The following ZBTB20 variants were observed in gnomAD, a reference collection of about 807,000 sequenced individuals.
The protein encoded by ZBTB20 is zinc finger and BTB domain containing 20, also known as zinc finger and BTB domain-containing protein 20.
ZBTB20 carries 9 observed loss-of-function variants against 56.9 expected under a neutral mutation model. The observed-to-expected ratio is 0.16, with a 90% CI of 0.10 to 0.28. The LOEUF is 0.28. ZBTB20 is among the 10% of genes least tolerant of loss of function. The probability of loss-of-function intolerance (pLI) is 1.00; values close to 1 mark genes in which losing one functional copy is unlikely to be tolerated. For synonymous variants in ZBTB20, 417 were observed against 420.7 expected (o/e 0.99, Z 0.11); for missense variants, 655 against 1,003.0 (o/e 0.65, Z 4.69).
chr3:114,544,458 TTTCTTTCTTTCTTTC>T (rs1379313103), intron 6 of ZBTB20, among the ~76,000 whole-genome samples: 8 of 110,396 alleles, frequency 7.2e-5, no homozygotes, highest in African/African-American at 2.6e-4. Context: ...TCTTTCTTTC[TTTCTTTCTTTCTTTC>T]TTTCTTTTTC....
intron 11 of ZBTB20, among the ~76,000 whole-genome samples, chr3:114,347,438 C>T (rs1004132008): frequency 6.6e-6 from 1 of 152,020 alleles, no homozygotes; most frequent in African/African-American, 2.4e-5. Context: ...TTACAAGTAT[C>T]CCCGTGCTTT....
At chr3:114,594,266 C>CTTT (rs1001656979) in intron 6 of ZBTB20, among the ~76,000 whole-genome samples, 4 of 132,308 alleles carry the variant, frequency 3.0e-5, no homozygotes, top group Admixed American at 1.5e-4. Context: ...TTCTCATATT[C>CTTT]TTTTTTTTTT....
intron 2 of ZBTB20, among the ~76,000 whole-genome samples, chr3:114,976,972 T>C (rs1239021193): frequency 1.3e-5 from 2 of 151,994 alleles, no homozygotes; most frequent in Non-Finnish European, 2.9e-5. Context: ...AATCAAACTC[T>C]GTTAAATCAA....
At chr3:114,976,352 G>A (rs2078097986) in intron 2 of ZBTB20, among the ~76,000 whole-genome samples, 1 of 152,164 alleles carries the variant, frequency 6.6e-6, no homozygotes, top group South Asian at 2.1e-4. Context: ...CTGGCTGGGT[G>A]AGGTGGCTCA....
chr3:114,482,221 G>A (rs1003163278), intron 7 of ZBTB20, among the ~76,000 whole-genome samples: 1 of 151,958 alleles, frequency 6.6e-6, no homozygotes, highest in Non-Finnish European at 1.5e-5. Context: ...GGACAAGGAA[G>A]ACACATCAGG....
intron 6 of ZBTB20, among the ~76,000 whole-genome samples, chr3:114,605,187 T>C (rs2057050524): frequency 6.6e-6 from 1 of 152,082 alleles, no homozygotes; most frequent in Non-Finnish European, 1.5e-5. Context: ...TGTAATAGTA[T>C]AATTTTTTTG....
rs28852739 is a variant in ZBTB20 at position 114,938,126 on chromosome 3, T to A, written c.-456+36240A>T. Among the ~76,000 whole-genome samples, 697 of 129,594 alleles carry A rather than the reference T, an allele frequency of 5.4e-3. 2 individuals carry two copies. The highest frequency in any genetic ancestry group is 0.027 in the African/African-American group (585 of 22,038). 85.0% of individuals were successfully genotyped at this position (129,594 alleles called of 152,430 possible). On this transcript the variant is annotated intron_variant, in intron 3 of 11. Coordinates refer to ENST00000675478, the MANE Select transcript of ZBTB20 (RefSeq NM_001348800.3). Reference sequence around the variant, plus strand: ...GAGTGAGACTCCATCTCAAAAAAAATAAAAATAAAATAAAATATTTAAGTT... The same window carrying A: ...GAGTGAGACTCCATCTCAAAAAAAAAAAAAATAAAATAAAATATTTAAGTT...
Position 115,108,897 on chromosome 3 carries a change from G to A in ZBTB20, c.-702-37483C>T, listed in dbSNP as rs954818439. ...TATGACCATGGGGAAAAGTGGCACG[G>A]AGTTTAGTATCTGAATGATAAGATT... is the stretch of plus-strand genomic sequence containing the variant. On this transcript the variant is annotated intron_variant, in intron 1 of 11. Coordinates refer to ENST00000675478, the MANE Select transcript of ZBTB20 (RefSeq NM_001348800.3). Among the ~76,000 whole-genome samples the A allele has an allele frequency of 6.6e-5, 10 of 152,090 alleles. 1 individual carries two copies. The highest frequency in any genetic ancestry group is 4.6e-4 in the Admixed American group (7 of 15,270).
chr3:114,769,548 AATGCATATATATATAT>A (rs1560228430), intron 5 of ZBTB20, among the ~76,000 whole-genome samples: 1 of 100,312 alleles, frequency 1.0e-5, no homozygotes, highest in East Asian at 2.7e-4. Flanking sequence ...TGTGTGCCAA[AATGCATATATATATAT>A]ATATATATAT....
chr3:114,910,611 AAG>A (rs1342296212), intron 3 of ZBTB20, among the ~76,000 whole-genome samples: 2 of 152,068 alleles, frequency 1.3e-5, no homozygotes, highest in African/African-American at 2.4e-5. Flanking sequence ...AGTGTTTGAT[AAG>A]AGTTTTGCAT....
chr3:114,416,560 C>T (rs1250055098), intron 7 of ZBTB20, among the ~76,000 whole-genome samples: 2 of 152,032 alleles, frequency 1.3e-5, no homozygotes, highest in South Asian at 2.1e-4. Context: ...GAAACTCAAT[C>T]GCAGAGTGCT....
At chr3:114,432,169 GAA>G (rs5851926) in intron 7 of ZBTB20, among the ~76,000 whole-genome samples, 1 of 144,968 alleles carries the variant, frequency 6.9e-6, no homozygotes. Flanking sequence ...GATTCCATTA[GAA>G]AAAAAAAAAA....
intron 6 of ZBTB20, among the ~76,000 whole-genome samples, chr3:114,541,497 A>G (rs984038726): frequency 3.9e-5 from 6 of 152,144 alleles, no homozygotes; most frequent in African/African-American, 1.4e-4. Flanking sequence ...TTTTTAAACT[A>G]CAATGCCCTA....
intron 4 of ZBTB20, among the ~76,000 whole-genome samples, chr3:114,826,511 T>C (rs2073537132): frequency 1.3e-5 from 2 of 151,908 alleles, no homozygotes; most frequent in Admixed American, 6.6e-5. Flanking sequence ...AATCCTTCCA[T>C]GAACACTAGG....
intron 3 of ZBTB20, among the ~76,000 whole-genome samples, chr3:114,940,065 G>A (rs1194971209): frequency 1.5e-5 from 2 of 130,940 alleles, no homozygotes; most frequent in Admixed American, 7.4e-5. Context: ...TTCTGTGTAT[G>A]TAAGTATGTG....
chr3:114,352,140 G>A (rs147267121), intron 10 of ZBTB20, among the ~76,000 whole-genome samples: 1 of 152,178 alleles, frequency 6.6e-6, no homozygotes, highest in East Asian at 1.9e-4. Context: ...CCAGAGCTTC[G>A]GCTGAGGTAG....
intron 5 of ZBTB20, among the ~76,000 whole-genome samples, chr3:114,785,569 G>C (rs910642635): frequency 9.2e-5 from 14 of 152,038 alleles, no homozygotes; most frequent in African/African-American, 2.4e-5. Flanking sequence ...TGGTGGAATT[G>C]ATTGTTATTT....
chr3:114,461,833 G>A (rs537651748), intron 7 of ZBTB20, among the ~76,000 whole-genome samples: 8 of 152,196 alleles, frequency 5.3e-5, no homozygotes, highest in Non-Finnish European at 7.4e-5. Context: ...AGCCCTTTAG[G>A]TAATTCTAAA....
At chr3:114,422,049 A>T (rs2089225262) in intron 7 of ZBTB20, among the ~76,000 whole-genome samples, 1 of 152,150 alleles carries the variant, frequency 6.6e-6, no homozygotes, top group African/African-American at 2.4e-5. Flanking sequence ...GCCTCCCTCC[A>T]GCCCCGTTGA....
Sources: gnomAD v4.1 joint callset for allele counts (sites outside exome capture counted in the v4.1 genomes callset) on GRCh38, gnomAD v4.1.1 for gene constraint, MANE v1.5 for transcripts, NCBI Gene and HGNC (gene_info 2026-07-23, HGNC 2026-07-21) for gene names.